SAMTOR: variants seen among roughly 807,000 people sequenced by gnomAD.
SAMTOR encodes UPF0532 protein C7orf60.
the SAMTOR span, among the ~76,000 whole-genome samples, chr7:112,918,978 G>A: frequency 6.6e-6 from 1 of 152,158 alleles, no homozygotes. Flanking sequence ...AAGAGACTTA[G>A]ACTCCCACAC....
the SAMTOR span, among the ~76,000 whole-genome samples, chr7:112,860,912 C>CAA: frequency 7.6e-3 from 338 of 44,550 alleles, 10 homozygotes; most frequent in African/African-American, 0.016. Flanking sequence ...GACTCTGTCT[C>CAA]AAAAAAAAAA....
At chr7:112,853,525 C>T in the SAMTOR span, among the ~76,000 whole-genome samples, 3 of 152,088 alleles carry the variant, frequency 2.0e-5, no homozygotes, top group African/African-American at 7.2e-5. Flanking sequence ...CTGACAACAG[C>T]ATTTTGAACT....
chr7:112,920,129 T>G, the SAMTOR span, among the ~76,000 whole-genome samples: 9 of 151,608 alleles, frequency 5.9e-5, no homozygotes, highest in South Asian at 2.1e-4. Flanking sequence ...TACCAAAGAC[T>G]GGCAGAGACA....
chr7:112,927,361 C>T, the SAMTOR span, among the ~76,000 whole-genome samples: 1 of 151,924 alleles, frequency 6.6e-6, no homozygotes, highest in African/African-American at 2.4e-5. Context: ...AAATCAGGAG[C>T]TAGAACTTCT....
the SAMTOR span, among the ~76,000 whole-genome samples, chr7:112,930,662 C>T: frequency 1.3e-5 from 2 of 152,108 alleles, no homozygotes; most frequent in African/African-American, 4.8e-5. Context: ...AGTATAGCTA[C>T]AGATAAAAGA....
At chr7:112,939,832 G>A in the SAMTOR span, 3 of 1,118,024 alleles carry the variant, frequency 2.7e-6, no homozygotes, top group Non-Finnish European at 3.8e-6. Flanking sequence ...GGAGGAGGGA[G>A]CTGCGGAGGC....
At chr7:112,832,686 A>T in the SAMTOR span, 2 of 1,450,932 alleles carry the variant, frequency 1.4e-6, no homozygotes, top group African/African-American at 2.8e-5. Context: ...CTAAAAACAG[A>T]TATTTTATAA....
the SAMTOR span, among the ~76,000 whole-genome samples, chr7:112,826,517 C>G: frequency 6.6e-6 from 1 of 152,032 alleles, no homozygotes; most frequent in Non-Finnish European, 1.5e-5. Flanking sequence ...ACCTTTTTCT[C>G]TTTACTTCTG....
chr7:112,890,291 CTA>C, the SAMTOR span, among the ~76,000 whole-genome samples: 1 of 152,184 alleles, frequency 6.6e-6, no homozygotes, highest in African/African-American at 2.4e-5. Context: ...AACCTCTAAC[CTA>C]TCATTGTTTG....
At chr7:112,857,216 C>T in the SAMTOR span, among the ~76,000 whole-genome samples, 2 of 150,240 alleles carry the variant, frequency 1.3e-5, no homozygotes, top group Non-Finnish European at 3.0e-5. Context: ...CTCAGCCTCC[C>T]GAGTAGCTGG....
chr7:112,919,192 T>G, the SAMTOR span, among the ~76,000 whole-genome samples: 1,459 of 152,220 alleles, frequency 9.6e-3, 30 homozygotes, highest in African/African-American at 0.033. Flanking sequence ...GACCACATAC[T>G]TGGAAGTAAA....
chr7:112,896,755 A>G, the SAMTOR span, among the ~76,000 whole-genome samples: 1 of 152,362 alleles, frequency 6.6e-6, no homozygotes, highest in South Asian at 2.1e-4. Flanking sequence ...TGATTGATAA[A>G]CAGATAAACA....
the SAMTOR span, among the ~76,000 whole-genome samples, chr7:112,911,600 G>A: frequency 6.6e-6 from 1 of 151,916 alleles, no homozygotes; most frequent in Non-Finnish European, 1.5e-5. Context: ...CAGACCCACA[G>A]ATAAGACATG....
the SAMTOR span, among the ~76,000 whole-genome samples, chr7:112,824,518 A>G: frequency 6.6e-6 from 1 of 151,974 alleles, no homozygotes; most frequent in Non-Finnish European, 1.5e-5. Context: ...ACGCACCACC[A>G]TGCCTGGCTA....
At chr7:112,843,673 C>A in the SAMTOR span, among the ~76,000 whole-genome samples, 1 of 151,712 alleles carries the variant, frequency 6.6e-6, no homozygotes, top group African/African-American at 2.4e-5. Context: ...CAAAAAATGC[C>A]CAGGACCAGA....
chr7:112,898,381 A>C, the SAMTOR span, among the ~76,000 whole-genome samples: 1 of 151,230 alleles, frequency 6.6e-6, no homozygotes, highest in East Asian at 2.0e-4. Flanking sequence ...TCTAGGCAGT[A>C]CAGTGTAGAG....
the SAMTOR span, among the ~76,000 whole-genome samples, chr7:112,923,044 A>ATTTC: frequency 7.2e-5 from 11 of 152,366 alleles, 1 homozygote; most frequent in South Asian, 2.3e-3. Context: ...AAAGGGGGAA[A>ATTTC]GGTGGGGAAA....
At chr7:112,866,753 A>G in the SAMTOR span, among the ~76,000 whole-genome samples, 4 of 152,216 alleles carry the variant, frequency 2.6e-5, no homozygotes, top group Non-Finnish European at 5.9e-5. Context: ...ATTCTCCACT[A>G]TAGGTCCCAA....
the SAMTOR span, among the ~76,000 whole-genome samples, chr7:112,919,395 A>G: frequency 2.0e-5 from 3 of 152,200 alleles, no homozygotes; most frequent in African/African-American, 7.2e-5. Context: ...GTTCTTTGAA[A>G]CCAACGAGAA....
Sources: gnomAD v4.1 joint callset for allele counts (sites outside exome capture counted in the v4.1 genomes callset) on GRCh38, gnomAD v4.1.1 for gene constraint, MANE v1.5 for transcripts, NCBI Gene and HGNC (gene_info 2026-07-23, HGNC 2026-07-21) for gene names.